The following OR56A3 variants were observed in gnomAD, a reference collection of about 807,000 sequenced individuals.
OR56A3 encodes the protein olfactory receptor family 56 subfamily A member 3.
OR56A3 carries 23 observed loss-of-function variants against 17.5 expected under a neutral mutation model. The ratio of observed to expected loss-of-function variants is 1.32; its 90% CI spans 0.95 to 1.87. OR56A3 has a LOEUF of 1.87. Ranked by LOEUF, OR56A3 falls within the 40% of genes most tolerant of loss-of-function variation. The probability of loss-of-function intolerance (pLI) is 0.00; values close to 1 mark genes in which losing one functional copy is unlikely to be tolerated. For synonymous variants in OR56A3, 175 were observed against 150.6 expected (o/e 1.16, Z -1.19); for missense variants, 366 against 380.1 (o/e 0.96, Z 0.31).
chr11:5,985,776 C>T, the OR56A3 span: 1 of 633,508 alleles, frequency 1.6e-6, no homozygotes, highest in Non-Finnish European at 2.6e-6. Context: ...AGGTACATCC[C>T]AATAAGCCAA....
chr11:5,956,185 G>C (rs1182358025), downstream of OR56A3, among the ~76,000 whole-genome samples: 1 of 152,194 alleles, frequency 6.6e-6, no homozygotes, highest in East Asian at 1.9e-4. Context: ...AGATGTATTT[G>C]ATGAATCCAA....
the OR56A3 span, among the ~76,000 whole-genome samples, chr11:5,972,690 G>A: frequency 1.3e-5 from 2 of 152,234 alleles, no homozygotes; most frequent in East Asian, 3.9e-4. Flanking sequence ...GTGCGGTGGC[G>A]CGATTTCGGC....
the OR56A3 span, among the ~76,000 whole-genome samples, chr11:6,010,117 C>G: frequency 6.6e-6 from 1 of 151,978 alleles, no homozygotes; most frequent in African/African-American, 2.4e-5. Flanking sequence ...CTTTCTCATG[C>G]TTTTTTACTC....
chr11:6,018,065 C>T, the OR56A3 span, among the ~76,000 whole-genome samples: 1 of 151,212 alleles, frequency 6.6e-6, no homozygotes, highest in South Asian at 2.1e-4. Context: ...TATATATGCA[C>T]TCAACACTGT....
chr11:6,014,282 A>C, the OR56A3 span, among the ~76,000 whole-genome samples: 1 of 152,230 alleles, frequency 6.6e-6, no homozygotes, highest in East Asian at 1.9e-4. Flanking sequence ...CTCATGTTAA[A>C]TTGTAATCCT....
At chr11:5,972,532 G>C in the OR56A3 span, among the ~76,000 whole-genome samples, 1 of 152,116 alleles carries the variant, frequency 6.6e-6, no homozygotes, top group African/African-American at 2.4e-5. Context: ...AACCAGAGCT[G>C]AGACTGCTTC....
chr11:5,947,779 G>A lies in OR56A3; in HGVS notation c.433G>A (p.Val145Ile), dbSNP rs1235933463. The A allele has an allele frequency of 6.2e-7, 1 of 1,614,126 alleles. No individual in the cohort carries two copies. The highest frequency in any genetic ancestry group is 8.5e-7 in the Non-Finnish European group (1 of 1,180,028). The change falls in exon 3 of 3, where the codon GTA becomes ATA. Residue 145 changes from valine to isoleucine, a missense_variant. Physicochemically the swap from Val to Ile is conservative, Grantham distance 29. Transcript: ENST00000641160. ...RYPSIITDHFVVKAAMFILTR... is the reference protein window; with the variant it reads ...RYPSIITDHFIVKAAMFILTR... ...TCCATCAATCATCACTGATCACTTT[G>A]TAGTCAAGGCTGCCATGTTTATTTT... is the stretch of plus-strand genomic sequence containing the variant.
chr11:5,967,488 A>T, the OR56A3 span: 1 of 1,169,874 alleles, frequency 8.5e-7, no homozygotes, highest in Non-Finnish European at 1.2e-6. Flanking sequence ...TTTTCTATGC[A>T]TCATAACAAT....
Position 5,949,506 on chromosome 11 carries a change from A to G in OR56A3, c.*1212A>G, listed in dbSNP as rs1306262179. ...AATAAGAGAATTCACTGTGTTTCCC[A>G]TTATTCATCCAATACCTGATAATAG... On this transcript the variant is annotated 3_prime_UTR_variant, in exon 3 of 3. Coordinates refer to ENST00000641160, the MANE Select transcript of OR56A3 (RefSeq NM_001003443.3). 1.3e-5 allele frequency: 2 copies of G among 152,228 alleles called. No homozygotes were observed. Among genetic ancestry groups the G allele is most frequent in the East Asian group, 3.8e-4 (2 of 5,200 alleles). The allele number at this position is 152,228 out of a possible 1,614,324, so 9.4% of individuals were successfully genotyped here. A position where few individuals can be genotyped will look rare whatever the true frequency, so the allele number is the denominator to read the frequency against.
At chr11:5,986,285 A>G in the OR56A3 span, 3 of 1,613,932 alleles carry the variant, frequency 1.9e-6, no homozygotes, top group East Asian at 6.7e-5. Flanking sequence ...GTCAGCCCAT[A>G]AGCTCGATTG....
At chr11:6,011,481 G>A in the OR56A3 span, among the ~76,000 whole-genome samples, 7 of 143,644 alleles carry the variant, frequency 4.9e-5, no homozygotes, top group Non-Finnish European at 7.6e-5. Flanking sequence ...CTAGATACCT[G>A]TATTTTATCT....
chr11:5,973,613 AT>A, the OR56A3 span, among the ~76,000 whole-genome samples: 4 of 151,370 alleles, frequency 2.6e-5, no homozygotes, highest in Admixed American at 1.3e-4. Flanking sequence ...CAGTCAGTTG[AT>A]TTTTTTTTCC....
downstream of OR56A3, among the ~76,000 whole-genome samples, chr11:5,953,966 G>GA (rs1266228272): frequency 6.6e-6 from 1 of 151,912 alleles, no homozygotes; most frequent in Non-Finnish European, 1.5e-5. Flanking sequence ...AGTTGCAGGG[G>GA]AAAAAAGGTG....
intron 2 of OR56A3, among the ~76,000 whole-genome samples, chr11:5,946,959 TA>T (rs1393275676): frequency 6.6e-6 from 1 of 152,156 alleles, no homozygotes; most frequent in East Asian, 1.9e-4. Flanking sequence ...ATGTGTACAT[TA>T]AAAAGAAAAT....
At chr11:6,021,342 G>A in the OR56A3 span, 1 of 151,904 alleles carries the variant, frequency 6.6e-6, no homozygotes. Context: ...CAGAACTAAA[G>A]GATGATAATA....
chr11:6,013,495 A>G, the OR56A3 span, among the ~76,000 whole-genome samples: 1 of 152,152 alleles, frequency 6.6e-6, no homozygotes, highest in Admixed American at 6.5e-5. Flanking sequence ...ACACTGCCCC[A>G]GGTAGCCCTG....
chr11:6,012,700 C>T, the OR56A3 span, among the ~76,000 whole-genome samples: 1 of 152,184 alleles, frequency 6.6e-6, no homozygotes, highest in Non-Finnish European at 1.5e-5. Context: ...AAAGGCACCA[C>T]AAGTCCTCAC....
chr11:5,988,499 A>G, the OR56A3 span, among the ~76,000 whole-genome samples: 4 of 152,186 alleles, frequency 2.6e-5, no homozygotes, highest in South Asian at 8.3e-4. Flanking sequence ...TGATTTCCTT[A>G]TTTTATAACT....
At chr11:5,993,950 T>G in the OR56A3 span, 1 of 446,712 alleles carries the variant, frequency 2.2e-6, no homozygotes, top group South Asian at 1.7e-5. Flanking sequence ...GGTAGTCTTT[T>G]GAATGGTTCG....
Sources: allele counts gnomAD v4.1 joint callset (sites outside exome capture counted in the v4.1 genomes callset), GRCh38; gene constraint gnomAD v4.1.1; transcripts MANE v1.5; gene names NCBI Gene and HGNC (gene_info 2026-07-23, HGNC 2026-07-21).